The following KAT2B variants were observed in gnomAD, a reference collection of about 807,000 sequenced individuals.
The protein encoded by KAT2B is histone acetyltransferase KAT2B.
A neutral mutation model predicts 105.9 loss-of-function variants in KAT2B; 36 were observed. That is an observed-to-expected ratio of 0.34 (90% CI 0.26 to 0.45). The LOEUF is 0.45. Ranked by LOEUF, KAT2B falls within the 20% of genes least tolerant of loss-of-function variation. The pLI is 1.00. For synonymous variants in KAT2B, 397 were observed against 377.9 expected (o/e 1.05, Z -0.59); for missense variants, 820 against 1,021.6 (o/e 0.80, Z 2.69).
intron 2 of KAT2B, among the ~76,000 whole-genome samples, chr3:20,085,375 C>G (rs1698594444): frequency 6.6e-6 from 1 of 152,122 alleles, no homozygotes; most frequent in African/African-American, 2.4e-5. Flanking sequence ...AATGTTCTAC[C>G]TAAGATGAAG....
intron 1 of KAT2B, among the ~76,000 whole-genome samples, chr3:20,062,310 T>TATATA (rs147670134): frequency 3.7e-5 from 1 of 27,232 alleles, no homozygotes; most frequent in Non-Finnish European, 1.0e-4. Flanking sequence ...TAAAATATAA[T>TATATA]ATATATAAAA....
chr3:20,114,767 T>C, intron 6 of KAT2B, 115 bp from the exon 7 acceptor site: 1 of 616,514 alleles, frequency 1.6e-6, no homozygotes, highest in Non-Finnish European at 2.9e-6. Context: ...TTCTCCATTA[T>C]ATTTCTGATT....
chr3:20,095,835 G>A (rs1575130532), intron 3 of KAT2B, among the ~76,000 whole-genome samples: 1 of 152,162 alleles, frequency 6.6e-6, no homozygotes, highest in Admixed American at 6.6e-5. Context: ...AGTGTTGGCC[G>A]AAGAGAAACA....
chr3:20,118,875 T>G (rs1699257695), intron 7 of KAT2B, among the ~76,000 whole-genome samples: 1 of 151,270 alleles, frequency 6.6e-6, no homozygotes, highest in Non-Finnish European at 1.5e-5. Context: ...TTAGTAATTT[T>G]GATGTCTCTC....
chr3:20,059,314 T>C (rs1180034411), intron 1 of KAT2B, among the ~76,000 whole-genome samples: 3 of 147,226 alleles, frequency 2.0e-5, no homozygotes, highest in Admixed American at 7.0e-5. Flanking sequence ...CTCGGGAGGC[T>C]GAGGCAGGAG....
In KAT2B at chr3:20,076,769, G is replaced by T. The variant is rs112650470; in HGVS notation, c.430+4310G>T. On this transcript the variant is annotated intron_variant, in intron 2 of 17. Coordinates refer to ENST00000263754, the MANE Select transcript of KAT2B (RefSeq NM_003884.5). ...TGTTACCGACAAAGTACAAGTTGGG[G>T]TCTAGGGAATTCTGTTAGGAATTAC... Among the ~76,000 whole-genome samples the T allele has an allele frequency of 4.0e-3, 603 of 152,260 alleles. 1 individual carries two copies. Among genetic ancestry groups the T allele is most frequent in the Non-Finnish European group, 6.7e-3 (457 of 68,034 alleles).
intron 5 of KAT2B, among the ~76,000 whole-genome samples, chr3:20,103,726 A>G (rs1219659616): frequency 6.6e-6 from 1 of 152,210 alleles, no homozygotes; most frequent in African/African-American, 2.4e-5. Flanking sequence ...TTTAGAAAAC[A>G]GAAGAAAAAT....
intron 13 of KAT2B, among the ~76,000 whole-genome samples, chr3:20,141,452 A>C (rs1349874213): frequency 6.6e-6 from 1 of 152,102 alleles, no homozygotes; most frequent in Non-Finnish European, 1.5e-5. Context: ...TTTGTGTGTT[A>C]AGTCCAGGAT....
chr3:20,049,583 A>G (rs75997980), intron 1 of KAT2B, among the ~76,000 whole-genome samples: 12,959 of 152,044 alleles, frequency 0.085, 762 homozygotes, highest in East Asian at 0.19. Context: ...TTTTCTTCCA[A>G]ATGGTTTCTT....
At chr3:20,090,496 G>A (rs1046322124) in intron 2 of KAT2B, among the ~76,000 whole-genome samples, 2 of 152,126 alleles carry the variant, frequency 1.3e-5, no homozygotes, top group Admixed American at 6.6e-5. Flanking sequence ...TTAATTTGCT[G>A]TATCAATTTA....
At chr3:20,110,035 TA>T (rs544230895) in intron 5 of KAT2B, among the ~76,000 whole-genome samples, 15 of 149,428 alleles carry the variant, frequency 1.0e-4, no homozygotes, top group African/African-American at 3.2e-4. Flanking sequence ...GAATAAGATT[TA>T]AAAAAAAAAG....
intron 1 of KAT2B, among the ~76,000 whole-genome samples, chr3:20,056,391 C>G (rs553180532): frequency 4.6e-5 from 7 of 152,190 alleles, no homozygotes; most frequent in Admixed American, 3.9e-4. Context: ...ATAGGAGAAG[C>G]AGGTTTGGGT....
chr3:20,081,801 T>C (rs1698523524), intron 2 of KAT2B, among the ~76,000 whole-genome samples: 2 of 151,434 alleles, frequency 1.3e-5, no homozygotes, highest in African/African-American at 4.9e-5. Flanking sequence ...ATGAGAATAA[T>C]AACGAAGAAT....
chr3:20,091,092 G>A (rs528954459), intron 2 of KAT2B, among the ~76,000 whole-genome samples: 1 of 152,206 alleles, frequency 6.6e-6, no homozygotes, highest in Admixed American at 6.6e-5. Flanking sequence ...TCTTTTTAAA[G>A]TGTTTGGTAG....
chr3:20,126,392 C>A (rs1179146956), intron 10 of KAT2B, among the ~76,000 whole-genome samples: 1 of 152,014 alleles, frequency 6.6e-6, no homozygotes, highest in Non-Finnish European at 1.5e-5. Context: ...GAATGTAACA[C>A]TAAGATGTTC....
chr3:20,129,029 A>G (rs989521939), intron 11 of KAT2B, among the ~76,000 whole-genome samples: 2 of 150,328 alleles, frequency 1.3e-5, no homozygotes, highest in South Asian at 2.1e-4. Context: ...AAAAAAAAAA[A>G]GAATGTTATT....
At chr3:20,138,288 TTC>T (rs1166575099) in intron 12 of KAT2B, among the ~76,000 whole-genome samples, 1 of 152,194 alleles carries the variant, frequency 6.6e-6, no homozygotes, top group Non-Finnish European at 1.5e-5. Flanking sequence ...TTAGTATTTT[TTC>T]TGTGTGTATA....
At chr3:20,112,833 A>G (rs946063427) in intron 6 of KAT2B, among the ~76,000 whole-genome samples, 1 of 152,208 alleles carries the variant, frequency 6.6e-6, no homozygotes, top group Non-Finnish European at 1.5e-5. Flanking sequence ...TAGATTATGG[A>G]ATTTTTGTCT....
intron 1 of KAT2B, among the ~76,000 whole-genome samples, chr3:20,061,511 G>A (rs957460349): frequency 4.6e-5 from 7 of 151,732 alleles, no homozygotes; most frequent in East Asian, 1.9e-4. Context: ...GAATTGCTGC[G>A]TCATATAGTA....
Sources: gnomAD v4.1 joint callset for allele counts (sites outside exome capture counted in the v4.1 genomes callset) on GRCh38, gnomAD v4.1.1 for gene constraint, MANE v1.5 for transcripts, NCBI Gene and HGNC (gene_info 2026-07-23, HGNC 2026-07-21) for gene names.